Variants in CSGALNACT1 observed in about 807,000 individuals in gnomAD.
CSGALNACT1 encodes beta4GalNAcT-1.
In CSGALNACT1, 52 loss-of-function variants were observed where a neutral mutation model predicts 51.0. That is an observed-to-expected ratio of 1.02 (90% CI 0.82 to 1.29). CSGALNACT1 has a LOEUF of 1.29. Ranked by LOEUF, CSGALNACT1 falls within the 50% of genes most tolerant of loss-of-function variation. CSGALNACT1 has a pLI of 0.00. For synonymous variants in CSGALNACT1, 341 were observed against 254.4 expected, an observed-to-expected ratio of 1.34 and a Z score of -3.24; for missense variants, 935 against 679.2, an observed-to-expected ratio of 1.38 and a Z score of -4.19.
chr8:19,528,094 G>C, intron 3 of CSGALNACT1, among the ~76,000 whole-genome samples: 1 of 152,100 alleles, frequency 6.6e-6, no homozygotes, highest in South Asian at 2.1e-4. Flanking sequence ...TTATGAACTT[G>C]GGGGCTGAGG....
intron 1 of CSGALNACT1, among the ~76,000 whole-genome samples, chr8:19,697,539 G>C (rs2061645356): frequency 1.3e-5 from 2 of 152,282 alleles, no homozygotes; most frequent in South Asian, 4.1e-4. Flanking sequence ...AGCTAAAACA[G>C]AAGAAAAGCA....
chr8:19,554,880 T>C (rs897352619), intron 3 of CSGALNACT1, among the ~76,000 whole-genome samples: 26 of 152,030 alleles, frequency 1.7e-4, no homozygotes, highest in Non-Finnish European at 3.2e-4. Context: ...ATCCCGCCAC[T>C]GCATTGCAGC....
chr8:19,724,137 C>T (rs533350659), intron 1 of CSGALNACT1, among the ~76,000 whole-genome samples: 2 of 152,256 alleles, frequency 1.3e-5, no homozygotes, highest in East Asian at 3.9e-4. Flanking sequence ...CCACCGCTGC[C>T]CAGCAGCACA....
chr8:19,543,003 A>G (rs535620337), intron 3 of CSGALNACT1, among the ~76,000 whole-genome samples: 61 of 152,302 alleles, frequency 4.0e-4, no homozygotes, highest in African/African-American at 1.3e-3. Flanking sequence ...TACCAACAGT[A>G]AGACTCAATT....
At chr8:19,620,277 T>C (rs1260948422) in intron 1 of CSGALNACT1, among the ~76,000 whole-genome samples, 2 of 125,572 alleles carry the variant, frequency 1.6e-5, no homozygotes, top group African/African-American at 3.1e-5. Context: ...ATTGCACCAC[T>C]GCACTCCAGC....
chr8:19,741,675 C>T (rs1259278838), intron 1 of CSGALNACT1, among the ~76,000 whole-genome samples: 3 of 151,988 alleles, frequency 2.0e-5, no homozygotes, highest in Admixed American at 1.3e-4. Flanking sequence ...TTAATAAAGG[C>T]TTCTGAATTC....
chr8:19,461,481 A>T (rs1332898829), intron 4 of CSGALNACT1, among the ~76,000 whole-genome samples: 1 of 151,054 alleles, frequency 6.6e-6, no homozygotes. Flanking sequence ...TTCACCAAGG[A>T]GGGCCTATCC....
chr8:19,487,127 T>C (rs1256779085), intron 4 of CSGALNACT1, among the ~76,000 whole-genome samples: 2 of 152,234 alleles, frequency 1.3e-5, no homozygotes, highest in East Asian at 3.9e-4. Context: ...TTTCTCAAGC[T>C]GACAACTCTA....
rs187524001 is a variant in CSGALNACT1, at chr8:19,523,788, G to T, written c.-296-17658C>A. ...CCTGTCCTCACCAGGGTAATGGGGAGTGGCAAGGACAGTTCTAAAAACAAT... is the reference window on the plus strand; with the variant it reads ...CCTGTCCTCACCAGGGTAATGGGGATTGGCAAGGACAGTTCTAAAAACAAT... On this transcript the variant is annotated intron_variant, in intron 3 of 9. Coordinates refer to ENST00000454498, the Ensembl canonical transcript of CSGALNACT1. Among the ~76,000 whole-genome samples, 24 of 152,286 alleles carry T rather than the reference G, an allele frequency of 1.6e-4. No homozygotes were observed. In the East Asian group the frequency reaches 4.6e-3, roughly 29 times the overall value.
chr8:19,583,787 G>T (rs1008275501), intron 3 of CSGALNACT1, among the ~76,000 whole-genome samples: 1 of 152,106 alleles, frequency 6.6e-6, no homozygotes, highest in South Asian at 2.1e-4. Context: ...TTTGGGGTTG[G>T]AACTGCCAAC....
intron 1 of CSGALNACT1, among the ~76,000 whole-genome samples, chr8:19,677,062 G>A (rs1291176428): frequency 1.3e-5 from 2 of 151,818 alleles, no homozygotes; most frequent in Non-Finnish European, 2.9e-5. Context: ...TTCAGTAAAA[G>A]GGAAGAAAGA....
chr8:19,628,853 T>C (rs1564296086), intron 1 of CSGALNACT1, among the ~76,000 whole-genome samples: 1 of 151,510 alleles, frequency 6.6e-6, no homozygotes, highest in Non-Finnish European at 1.5e-5. Flanking sequence ...GAGTCAACAA[T>C]ATGGGGGGAG....
chr8:19,620,158 C>CA (rs912593169), intron 1 of CSGALNACT1, among the ~76,000 whole-genome samples: 11 of 151,552 alleles, frequency 7.3e-5, no homozygotes, highest in Non-Finnish European at 1.3e-4. Context: ...ACTAAAAATA[C>CA]AAAAAAATTA....
chr8:19,496,971 C>T (rs1196169095), intron 4 of CSGALNACT1, among the ~76,000 whole-genome samples: 1 of 152,116 alleles, frequency 6.6e-6, no homozygotes, highest in Non-Finnish European at 1.5e-5. Flanking sequence ...AAACACTCTT[C>T]CCGGACCCTC....
intron 1 of CSGALNACT1, among the ~76,000 whole-genome samples, chr8:19,720,420 G>A (rs1048040103): frequency 2.0e-5 from 3 of 152,186 alleles, no homozygotes; most frequent in African/African-American, 7.2e-5. Flanking sequence ...GCTCAAAAGA[G>A]TTCAGAGGAG....
At chr8:19,605,352 C>G (rs1032422709), upstream of CSGALNACT1, among the ~76,000 whole-genome samples, 1 of 152,174 alleles carries the variant, frequency 6.6e-6, no homozygotes, top group African/African-American at 2.4e-5. Context: ...ATGAGAATGA[C>G]TGGAATCTAG....
intron 1 of CSGALNACT1, among the ~76,000 whole-genome samples, chr8:19,718,544 T>C (rs2062942757): frequency 6.6e-6 from 1 of 152,250 alleles, no homozygotes; most frequent in Non-Finnish European, 1.5e-5. Flanking sequence ...TCTTTTCTTT[T>C]TTCTTGCCAT....
intron 4 of CSGALNACT1, among the ~76,000 whole-genome samples, chr8:19,474,943 G>A (rs1398816144): frequency 1.3e-5 from 2 of 150,386 alleles, no homozygotes; most frequent in South Asian, 2.1e-4. Flanking sequence ...ATACAAAGAT[G>A]AATAAAAACA....
At chr8:19,460,501 A>G (rs1189574765) in intron 4 of CSGALNACT1, among the ~76,000 whole-genome samples, 1 of 152,152 alleles carries the variant, frequency 6.6e-6, no homozygotes, top group Non-Finnish European at 1.5e-5. Flanking sequence ...GATGAGGGTG[A>G]ATGACAGTAC....
Sources: gnomAD v4.1 joint callset for allele counts (sites outside exome capture counted in the v4.1 genomes callset) on GRCh38, gnomAD v4.1.1 for gene constraint, MANE v1.5 for transcripts, NCBI Gene and HGNC (gene_info 2026-07-23, HGNC 2026-07-21) for gene names.